The following ANKFN1 variants were observed in gnomAD, a reference collection of about 807,000 sequenced individuals.
ANKFN1 encodes the protein ankyrin repeat and fibronectin type III domain containing 1.
Under a neutral mutation model 108.7 loss-of-function variants are expected in ANKFN1, and 74 were observed. The ratio of observed to expected loss-of-function variants is 0.68; its 90% confidence interval spans 0.56 to 0.83. The LOEUF is 0.83. Ranked by LOEUF, ANKFN1 falls within the 40% of genes least tolerant of loss-of-function variation. The pLI, the probability that ANKFN1 is intolerant of heterozygous loss-of-function variation, is 0.00. For synonymous variants in ANKFN1, 547 were observed against 516.2 expected (o/e 1.06, Z -0.81); for missense variants, 1,505 against 1,382.3 (o/e 1.09, Z -1.41).
intron 3 of ANKFN1, among the ~76,000 whole-genome samples, chr17:56,242,165 C>A (rs958137815): frequency 6.6e-6 from 1 of 152,034 alleles, no homozygotes; most frequent in Admixed American, 6.6e-5. Context: ...GTACCTAGAT[C>A]TTTTTCTTCA....
At chr17:56,086,886 G>C (rs1905323870) in intron 4 of ANKFN1, among the ~76,000 whole-genome samples, 1 of 151,358 alleles carries the variant, frequency 6.6e-6, no homozygotes, top group Non-Finnish European at 1.5e-5. Flanking sequence ...TCAAGTGCCA[G>C]AGTAGGAATT....
At chr17:56,506,962 G>A (rs764785157) in intron 20 of ANKFN1, among the ~76,000 whole-genome samples, 3 of 152,186 alleles carry the variant, frequency 2.0e-5, no homozygotes, top group Non-Finnish European at 4.4e-5. Flanking sequence ...AAAGCATTCA[G>A]AGTTCTTAGC....
At chr17:56,097,049 G>A (rs1905548489) in intron 4 of ANKFN1, among the ~76,000 whole-genome samples, 1 of 152,174 alleles carries the variant, frequency 6.6e-6, no homozygotes, top group African/African-American at 2.4e-5. Flanking sequence ...GATTATAAGT[G>A]GGAGCTAAAC....
chr17:56,242,855 A>G (rs1379256933), intron 3 of ANKFN1, among the ~76,000 whole-genome samples: 1 of 152,060 alleles, frequency 6.6e-6, no homozygotes, highest in Non-Finnish European at 1.5e-5. Flanking sequence ...TTCCTTGTTT[A>G]CTAGGATTTT....
chr17:56,180,692 T>G (rs967762639), intron 1 of ANKFN1, among the ~76,000 whole-genome samples: 4 of 152,196 alleles, frequency 2.6e-5, no homozygotes, highest in African/African-American at 9.6e-5. Flanking sequence ...CTAAGCATAT[T>G]TTTCACCAGC....
intron 14 of ANKFN1, among the ~76,000 whole-genome samples, chr17:56,465,145 T>C (rs889463320): frequency 6.6e-6 from 1 of 152,150 alleles, no homozygotes; most frequent in African/African-American, 2.4e-5. Context: ...ATCACACTGC[T>C]TATTAGTACC....
At chr17:56,495,220 GC>G (rs1348677491) in intron 19 of ANKFN1, among the ~76,000 whole-genome samples, 1 of 152,060 alleles carries the variant, frequency 6.6e-6, no homozygotes, top group Non-Finnish European at 1.5e-5. Context: ...TACACCCATA[GC>G]CTTCAATGAA....
At position 56,187,469 on chromosome 17, in the gene ANKFN1, T is replaced by C. The variant is rs575976415; in HGVS notation, c.-70-25129T>C. 2.0e-5 allele frequency among the ~76,000 whole-genome samples: 3 copies of C among 152,264 alleles called. No homozygotes were observed. In the East Asian group the frequency reaches 5.8e-4, roughly 29 times the overall value. On this transcript the variant is annotated intron_variant, in intron 1 of 20. Transcript: ENST00000682825. ...TGGATAGGATGTGGAGAAATAGGAA[T>C]ACTTTTACACTGTTGGTGGGACTGT...
At chr17:56,272,804 A>G (rs1309298501) in intron 3 of ANKFN1, among the ~76,000 whole-genome samples, 1 of 152,200 alleles carries the variant, frequency 6.6e-6, no homozygotes, top group African/African-American at 2.4e-5. Flanking sequence ...TGCACCGGTT[A>G]CATTTTGAAG....
At chr17:56,465,332 G>GT (rs1465956967) in intron 14 of ANKFN1, among the ~76,000 whole-genome samples, 1 of 152,178 alleles carries the variant, frequency 6.6e-6, no homozygotes, top group African/African-American at 2.4e-5. Flanking sequence ...TCTGGTCTTT[G>GT]TAAGGAAGAA....
At chr17:56,368,932 C>T (rs1230652459) in intron 6 of ANKFN1, among the ~76,000 whole-genome samples, 4 of 152,164 alleles carry the variant, frequency 2.6e-5, no homozygotes, top group Non-Finnish European at 5.9e-5. Context: ...CACATCCTAC[C>T]CCTTTGCACT....
At chr17:56,164,980 C>T (rs1203482362) in intron 1 of ANKFN1, among the ~76,000 whole-genome samples, 1 of 152,212 alleles carries the variant, frequency 6.6e-6, no homozygotes, top group Non-Finnish European at 1.5e-5. Flanking sequence ...TGGTCCCCAT[C>T]ATTTGCTAGT....
At chr17:56,082,670 G>A (rs1228585715) in intron 4 of ANKFN1, among the ~76,000 whole-genome samples, 2 of 152,164 alleles carry the variant, frequency 1.3e-5, no homozygotes, top group Non-Finnish European at 2.9e-5. Flanking sequence ...TTCATTCATT[G>A]ATCAAAAGTA....
intron 14 of ANKFN1, among the ~76,000 whole-genome samples, chr17:56,463,498 A>G (rs906387511): frequency 5.4e-4 from 83 of 152,332 alleles, no homozygotes; most frequent in African/African-American, 2.0e-3. Flanking sequence ...AGAGATAAGT[A>G]TCTCAGCATG....
intron 4 of ANKFN1, among the ~76,000 whole-genome samples, chr17:56,065,471 C>A (rs1905045308): frequency 6.6e-6 from 1 of 152,226 alleles, no homozygotes; most frequent in Admixed American, 6.5e-5. Context: ...GAGAACTTAG[C>A]TTTTGGCCTA....
intron 15 of ANKFN1, 88 bp downstream of exon 15, chr17:56,466,659 T>A: frequency 8.6e-7 from 1 of 1,156,792 alleles, no homozygotes; most frequent in South Asian, 1.4e-5. Flanking sequence ...AAGAGCCATT[T>A]ACATATGCAG....
chr17:56,129,031 TGAG>T lies in ANKFN1; in HGVS notation c.288+82710_288+82712del, dbSNP rs537757126. Among the ~76,000 whole-genome samples the T allele has an allele frequency of 2.0e-3, 303 of 152,186 alleles. 1 individual carries two copies. Among genetic ancestry groups the T allele is most frequent in the African/African-American group, 6.9e-3 (285 of 41,522 alleles). On this transcript the variant is annotated intron_variant, in intron 4 of 12. Transcript: ENST00000635860. The stretch of plus-strand genomic sequence containing the variant: ...ACATTTTAGCTGTGAGGTTAGAAGA[TGAG>T]GAGAAAAAAGGAGAAGATACTGCTT...
intron 8 of ANKFN1, among the ~76,000 whole-genome samples, chr17:56,435,809 T>A (rs2048912715): frequency 6.6e-6 from 1 of 152,174 alleles, no homozygotes; most frequent in Non-Finnish European, 1.5e-5. Context: ...TTTATCTTTA[T>A]GCCTTTACAT....
At chr17:56,491,566 TCTG>T (rs2051040708) in intron 18 of ANKFN1, among the ~76,000 whole-genome samples, 1 of 152,150 alleles carries the variant, frequency 6.6e-6, no homozygotes. Context: ...GAAAACCAAG[TCTG>T]CTGAAGACAA....
Sources: gnomAD v4.1 joint callset for allele counts (sites outside exome capture counted in the v4.1 genomes callset) on GRCh38, gnomAD v4.1.1 for gene constraint, MANE v1.5 for transcripts, NCBI Gene and HGNC (gene_info 2026-07-23, HGNC 2026-07-21) for gene names.